ZNF431: variants seen among roughly 807,000 people sequenced by gnomAD.
The protein encoded by ZNF431 is zinc finger protein 431.
A neutral mutation model predicts 57.0 loss-of-function variants in ZNF431; 34 were observed. That is an observed-to-expected ratio of 0.60 (90% CI 0.45 to 0.79). The LOEUF is 0.79. Among genes scored for constraint, ZNF431 ranks in the 30% least tolerant of loss-of-function variants. The pLI is 0.00. For missense variants in ZNF431, 607 were observed against 667.1 expected, an observed-to-expected ratio of 0.91 and a Z score of 0.99; for synonymous variants, 207 against 220.3, an observed-to-expected ratio of 0.94 and a Z score of 0.54.
Position 21,185,437 on chromosome 19 carries a change from CAA to C in ZNF431, c.*1405_*1406del, listed in dbSNP as rs1447419561. 1.3e-5 allele frequency: 2 copies of C among 152,112 alleles called. No individual in the cohort carries two copies. Among genetic ancestry groups the C allele is most frequent in the African/African-American group, 4.8e-5 (2 of 41,418 alleles). The allele number at this position is 152,112 out of a possible 1,614,324, so 9.4% of individuals were successfully genotyped here. On this transcript the variant is annotated 3_prime_UTR_variant, in exon 5 of 5. Coordinates refer to ENST00000311048, the MANE Select transcript of ZNF431 (RefSeq NM_133473.4). ...AGCATGGGGTTAATTGTTGCTACAT[CAA>C]AGAGAGAGATTCTTTTGTTTGTTTG...
At chr19:21,181,599 T>G (rs1249085802) in intron 4 of ZNF431, among the ~76,000 whole-genome samples, 1 of 152,108 alleles carries the variant, frequency 6.6e-6, no homozygotes, top group Non-Finnish European at 1.5e-5. Flanking sequence ...TTGTTGAGCT[T>G]CTTCATTTTG....
intron 4 of ZNF431, chr19:21,169,713 T>C (rs1049995584): frequency 2.5e-6 from 1 of 398,266 alleles, no homozygotes; most frequent in Non-Finnish European, 4.4e-6. Flanking sequence ...TGGCTCCTTA[T>C]ATAATGGCCC....
chr19:21,193,069 G>C lies in ZNF431; in HGVS notation c.*9035G>C, dbSNP rs1331027321. 2.0e-5 allele frequency: 3 copies of C among 152,100 alleles called. No homozygotes were observed. Among genetic ancestry groups the C allele is most frequent in the Non-Finnish European group, 2.9e-5 (2 of 68,024 alleles). 9.4% of individuals were successfully genotyped at this position (152,100 alleles called of 1,614,324 possible). A position where few individuals can be genotyped will look rare whatever the true frequency, so the allele number is the denominator to read the frequency against. On this transcript the variant is annotated 3_prime_UTR_variant, in exon 5 of 5. Transcript: ENST00000311048. Reference sequence around the variant, plus strand: ...AATGTATAAAATATATAATGAAATTGAATTAATAATTTAAAAAACCTACCA... The same window carrying C: ...AATGTATAAAATATATAATGAAATTCAATTAATAATTTAAAAAACCTACCA...
chr19:21,172,427 CAAA>C (rs372960141), intron 4 of ZNF431, among the ~76,000 whole-genome samples: 4 of 63,894 alleles, frequency 6.3e-5, no homozygotes, highest in Non-Finnish European at 6.5e-5. Flanking sequence ...GATTCCATCT[CAAA>C]AAAAAAAAAA....
intron 2 of ZNF431, among the ~76,000 whole-genome samples, chr19:21,158,419 C>T (rs1244996700): frequency 6.6e-6 from 1 of 151,806 alleles, no homozygotes; most frequent in African/African-American, 2.4e-5. Context: ...AGGCTGGTCT[C>T]GAACTCCTGA....
intron 4 of ZNF431, among the ~76,000 whole-genome samples, chr19:21,181,557 T>C (rs1971210699): frequency 6.6e-6 from 1 of 152,108 alleles, no homozygotes; most frequent in South Asian, 2.1e-4. Context: ...TATGTGTTTG[T>C]TATAAATATC....
chr19:21,165,638 A>C (rs972509068), intron 2 of ZNF431, among the ~76,000 whole-genome samples: 1 of 152,118 alleles, frequency 6.6e-6, no homozygotes, highest in African/African-American at 2.4e-5. Context: ...CTTTATTATT[A>C]AGTATCTTTA....
intron 2 of ZNF431, among the ~76,000 whole-genome samples, chr19:21,144,782 G>T (rs1485525931): frequency 6.6e-6 from 1 of 152,100 alleles, no homozygotes; most frequent in Admixed American, 6.6e-5. Flanking sequence ...AGATAATGTG[G>T]TAGATAATTG....
chr19:21,142,311 T>G, intron 1 of ZNF431, 125 bp downstream of exon 1: 1 of 1,380,098 alleles, frequency 7.2e-7, no homozygotes, highest in African/African-American at 1.4e-5. Flanking sequence ...GAGTTCTCCT[T>G]GCCCAGCTCG....
chr19:21,148,647 CA>C (rs1421420944), intron 2 of ZNF431, among the ~76,000 whole-genome samples: 1 of 152,140 alleles, frequency 6.6e-6, no homozygotes, highest in Non-Finnish European at 1.5e-5. Context: ...AACCTTTTAT[CA>C]AAAACATATT....
rs981359796 is a variant in ZNF431, at chr19:21,195,370, C to T, written c.*11336C>T. The T allele has an allele frequency of 1.3e-5, 2 of 152,222 alleles. No individual in the cohort carries two copies. Among genetic ancestry groups the T allele is most frequent in the African/African-American group, 4.8e-5 (2 of 41,458 alleles). The allele number at this position is 152,222 out of a possible 1,614,324, so 9.4% of individuals were successfully genotyped here. A position where few individuals can be genotyped will look rare whatever the true frequency, so the allele number is the denominator to read the frequency against. Reference sequence around the variant, plus strand: ...CAAAATGCCAGCTCTTGCCATCTAACTACCATTAAAAGGAACTTCTAAAGC... The same window carrying T: ...CAAAATGCCAGCTCTTGCCATCTAATTACCATTAAAAGGAACTTCTAAAGC... On this transcript the variant is annotated 3_prime_UTR_variant, in exon 5 of 5. Transcript: ENST00000311048.
chr19:21,191,332 A>G lies in ZNF431; in HGVS notation c.*7298A>G, dbSNP rs1384386720. On this transcript the variant is annotated 3_prime_UTR_variant, in exon 5 of 5. Coordinates refer to ENST00000311048, the MANE Select transcript of ZNF431 (RefSeq NM_133473.4). Reference sequence around the variant, plus strand: ...GCCGGGCGTGGTTGCACGTGTCTATAATCTCAGCTACTCAGGAGGCTGAGG... The same window carrying G: ...GCCGGGCGTGGTTGCACGTGTCTATGATCTCAGCTACTCAGGAGGCTGAGG... The G allele has an allele frequency of 1.3e-5, 2 of 152,064 alleles. No individual in the cohort carries two copies. The highest frequency in any genetic ancestry group is 2.9e-5 in the Non-Finnish European group (2 of 68,048). The allele number at this position is 152,064 out of a possible 1,614,324, so 9.4% of individuals were successfully genotyped here.
At chr19:21,168,757 T>C (rs559999929) in intron 4 of ZNF431, among the ~76,000 whole-genome samples, 20 of 152,200 alleles carry the variant, frequency 1.3e-4, no homozygotes, top group African/African-American at 4.3e-4. Flanking sequence ...TTCTTCGTTA[T>C]ATTTGTTCTC....
At chr19:21,144,077 A>G (rs17445381) in intron 2 of ZNF431, among the ~76,000 whole-genome samples, 24,461 of 151,716 alleles carry the variant, frequency 0.16, 2,247 homozygotes, top group African/African-American at 0.25. Context: ...TGAGTCAGAC[A>G]CACATTTGTT....
At chr19:21,149,764 A>G (rs1970213766) in intron 2 of ZNF431, 1 of 636,844 alleles carries the variant, frequency 1.6e-6, no homozygotes, top group South Asian at 1.4e-5. Context: ...TCATCCTGTC[A>G]TTGTAGTTGG....
rs1037884048 is a variant in ZNF431 at position 21,159,991 on chromosome 19, T to C, written c.97-6344T>C. Among the ~76,000 whole-genome samples the C allele has an allele frequency of 1.0e-3, 152 of 152,004 alleles. 1 individual carries two copies. The highest frequency in any genetic ancestry group is 3.4e-3 in the Middle Eastern group (1 of 294). ...TTCATGTTGCCTCAGCCTTTTTTTT[T>C]TTTTTTTTAGGTAGACATATTACTT... On this transcript the variant is annotated intron_variant, in intron 2 of 4. Transcript: ENST00000311048.
At chr19:21,153,727 C>G (rs1274110273) in intron 2 of ZNF431, among the ~76,000 whole-genome samples, 1 of 151,022 alleles carries the variant, frequency 6.6e-6, no homozygotes, top group African/African-American at 2.4e-5. Flanking sequence ...CATTTTTTTT[C>G]TTTTTTGAGA....
rs2145075694 is a variant in ZNF431, at chr19:21,189,917, G to A, written c.*5883G>A. ...TCCCAGCTCTGGGAGGCCAAGGCCA[G>A]TGGATTGCTTGAGCCCAGGAGTTTG... On this transcript the variant is annotated 3_prime_UTR_variant, in exon 5 of 5. Coordinates refer to ENST00000311048, the MANE Select transcript of ZNF431 (RefSeq NM_133473.4). 1 of 398,082 alleles carries A rather than the reference G, an allele frequency of 2.5e-6. No individual in the cohort carries two copies. The highest frequency in any genetic ancestry group is 4.4e-6 in the Non-Finnish European group (1 of 226,056). 24.7% of individuals were successfully genotyped at this position (398,082 alleles called of 1,614,324 possible).
intron 4 of ZNF431, among the ~76,000 whole-genome samples, chr19:21,180,944 GAAAA>G (rs926830855): frequency 2.9e-5 from 2 of 68,052 alleles, no homozygotes; most frequent in African/African-American, 1.0e-4. Flanking sequence ...CATATCAAAA[GAAAA>G]AAAAAAAAAA....
Sources: allele counts gnomAD v4.1 joint callset (sites outside exome capture counted in the v4.1 genomes callset), GRCh38; gene constraint gnomAD v4.1.1; transcripts MANE v1.5; gene names NCBI Gene and HGNC (gene_info 2026-07-23, HGNC 2026-07-21).